The following CSMD1 variants were observed in gnomAD, a reference collection of about 807,000 sequenced individuals.
The protein encoded by CSMD1 is CUB and sushi domain-containing protein 1.
Under a neutral mutation model 417.5 loss-of-function variants are expected in CSMD1, and 213 were observed. That is an observed-to-expected ratio of 0.51 (90% CI 0.46 to 0.57). CSMD1 has a LOEUF of 0.57. Among genes scored for constraint, CSMD1 ranks in the 20% least tolerant of loss-of-function variants. The probability of loss-of-function intolerance (pLI) is 0.00; values close to 1 mark genes in which losing one functional copy is unlikely to be tolerated. For synonymous variants in CSMD1, 2,862 were observed against 1,736.8 expected, an observed-to-expected ratio of 1.65 and a Z score of -16.11; for missense variants, 6,923 against 4,529.7, an observed-to-expected ratio of 1.53 and a Z score of -15.17.
At chr8:4,262,811 C>T (rs536411176) in intron 3 of CSMD1, among the ~76,000 whole-genome samples, 2 of 152,270 alleles carry the variant, frequency 1.3e-5, no homozygotes, top group South Asian at 4.1e-4. Flanking sequence ...TACCCAGAGA[C>T]AATGAGAATT....
rs936820704 is a variant in CSMD1 at position 4,234,017 on chromosome 8, C to A, written c.415+185936G>T. 3.3e-5 allele frequency among the ~76,000 whole-genome samples: 5 copies of A among 152,026 alleles called. No individual in the cohort carries two copies. In the South Asian group the frequency reaches 6.2e-4, roughly 19 times the overall value. ...ATCCCTTCTGCCTGAGAGGTTCTGG[C>A]ATCTGGTTAAGAGTCTACCATCAGC... On this transcript the variant is annotated intron_variant, in intron 3 of 69. Transcript: ENST00000635120.
intron 5 of CSMD1, among the ~76,000 whole-genome samples, chr8:3,926,026 C>CACACACACACACACACACAAACACCATAA (rs1563217937): frequency 8.0e-6 from 1 of 125,252 alleles, no homozygotes; most frequent in Non-Finnish European, 1.7e-5. Context: ...CACACACACA[C>CACACACACACACACACACAAACACCATAA]ACACACACAC....
At chr8:4,587,513 G>A (rs1169315637) in intron 2 of CSMD1, among the ~76,000 whole-genome samples, 2 of 151,862 alleles carry the variant, frequency 1.3e-5, no homozygotes, top group Non-Finnish European at 2.9e-5. Context: ...ATGCACACAT[G>A]AATTTCTCCT....
At chr8:4,025,456 G>A (rs550480594) in intron 4 of CSMD1, among the ~76,000 whole-genome samples, 1 of 152,238 alleles carries the variant, frequency 6.6e-6, no homozygotes, top group East Asian at 1.9e-4. Flanking sequence ...ATAAAGTATG[G>A]GAAACATAAA....
chr8:3,945,734 G>T (rs528461453), intron 5 of CSMD1, among the ~76,000 whole-genome samples: 1 of 152,004 alleles, frequency 6.6e-6, no homozygotes, highest in African/African-American at 2.4e-5. Flanking sequence ...AGGTTACTAG[G>T]GGATAGAAAA....
At chr8:3,583,658 C>T (rs1291039347) in intron 9 of CSMD1, among the ~76,000 whole-genome samples, 2 of 151,940 alleles carry the variant, frequency 1.3e-5, no homozygotes, top group Non-Finnish European at 2.9e-5. Flanking sequence ...AAACAGGAAT[C>T]AGGGCTGGGT....
chr8:3,351,180 C>A (rs1054696100), intron 21 of CSMD1, among the ~76,000 whole-genome samples: 1 of 152,166 alleles, frequency 6.6e-6, no homozygotes, highest in Non-Finnish European at 1.5e-5. Flanking sequence ...GTAGCTATAA[C>A]TGAATGTGAA....
intron 1 of CSMD1, among the ~76,000 whole-genome samples, chr8:4,779,251 G>C (rs1797028284): frequency 6.6e-6 from 1 of 151,974 alleles, no homozygotes; most frequent in South Asian, 2.1e-4. Flanking sequence ...TGTAGAAATT[G>C]ACATTACTTC....
intron 54 of CSMD1, among the ~76,000 whole-genome samples, chr8:2,993,997 A>AG (rs1261235476): frequency 2.7e-5 from 4 of 149,174 alleles, no homozygotes; most frequent in Non-Finnish European, 4.4e-5. Context: ...AAAAAAAAAG[A>AG]AAAAAAATTA....
intron 3 of CSMD1, among the ~76,000 whole-genome samples, chr8:4,336,252 C>T (rs950940489): frequency 9.2e-5 from 14 of 152,142 alleles, no homozygotes; most frequent in Non-Finnish European, 1.9e-4. Flanking sequence ...AAAGGTCTTG[C>T]TCGTCCAAAA....
At chr8:3,086,532 TA>T (rs1563323756) in intron 49 of CSMD1, among the ~76,000 whole-genome samples, 2 of 152,130 alleles carry the variant, frequency 1.3e-5, no homozygotes, top group African/African-American at 4.8e-5. Context: ...CTTGATAAGA[TA>T]AAACTATGAA....
chr8:3,792,113 G>A (rs950314455), intron 5 of CSMD1, among the ~76,000 whole-genome samples: 1 of 152,068 alleles, frequency 6.6e-6, no homozygotes, highest in Admixed American at 6.6e-5. Flanking sequence ...GGGCCAAATA[G>A]GGAGACCCTG....
At chr8:3,452,665 A>G (rs989166594) in intron 12 of CSMD1, among the ~76,000 whole-genome samples, 7 of 152,110 alleles carry the variant, frequency 4.6e-5, no homozygotes, top group African/African-American at 1.7e-4. Flanking sequence ...CAGGGATGAA[A>G]CCCACTTGAT....
At chr8:4,812,285 G>A (rs962376560) in intron 1 of CSMD1, among the ~76,000 whole-genome samples, 1 of 152,132 alleles carries the variant, frequency 6.6e-6, no homozygotes, top group Non-Finnish European at 1.5e-5. Context: ...CGGGGAGGTG[G>A]GGGTTTTTCT....
chr8:4,736,723 G>A (rs1184092842), intron 1 of CSMD1, among the ~76,000 whole-genome samples: 2 of 152,190 alleles, frequency 1.3e-5, no homozygotes, highest in African/African-American at 4.8e-5. Context: ...AAGTTACTGG[G>A]AGAAAATGGT....
At chr8:4,077,670 T>C (rs1436937602) in intron 3 of CSMD1, among the ~76,000 whole-genome samples, 1 of 152,158 alleles carries the variant, frequency 6.6e-6, no homozygotes, top group Non-Finnish European at 1.5e-5. Context: ...TTGATCTTTT[T>C]CATGTATTTG....
At chr8:3,610,517 A>C (rs1468826244) in intron 8 of CSMD1, among the ~76,000 whole-genome samples, 1 of 152,172 alleles carries the variant, frequency 6.6e-6, no homozygotes, top group African/African-American at 2.4e-5. Context: ...TGTCTCTATA[A>C]AAATAAATAG....
intron 5 of CSMD1, among the ~76,000 whole-genome samples, chr8:3,865,066 T>C (rs1453925186): frequency 2.6e-5 from 4 of 152,210 alleles, no homozygotes; most frequent in Non-Finnish European, 4.4e-5. Context: ...TCTCGGCATA[T>C]GCCAACAGTG....
At chr8:3,990,715 G>A (rs987280417) in intron 5 of CSMD1, among the ~76,000 whole-genome samples, 2 of 152,118 alleles carry the variant, frequency 1.3e-5, no homozygotes, top group East Asian at 1.9e-4. Context: ...TTAATTCTAG[G>A]CAATAAGACA....
Sources: gnomAD v4.1 joint callset for allele counts (sites outside exome capture counted in the v4.1 genomes callset) on GRCh38, gnomAD v4.1.1 for gene constraint, MANE v1.5 for transcripts, NCBI Gene and HGNC (gene_info 2026-07-23, HGNC 2026-07-21) for gene names.